Variants in PUS10 observed in about 807,000 individuals in gnomAD.
The protein encoded by PUS10 is pseudouridine synthase 10, also known as tRNA pseudouridine synthase Pus10.
In PUS10, 59 loss-of-function variants were observed where a neutral mutation model predicts 75.0. The observed-to-expected ratio is 0.79, with a 90% CI of 0.64 to 0.98. PUS10 has a LOEUF of 0.98. PUS10 is among the 50% of genes least tolerant of loss of function. PUS10 has a pLI of 0.00. For missense variants in PUS10, 650 were observed against 614.4 expected, an observed-to-expected ratio of 1.06 and a Z score of -0.61; for synonymous variants, 219 against 211.6, an observed-to-expected ratio of 1.03 and a Z score of -0.30.
At chr2:61,006,715 A>G (rs1679236523) in intron 3 of PUS10, 72 bp from the exon 4 acceptor site, 1 of 1,196,096 alleles carries the variant, frequency 8.4e-7, no homozygotes, top group Admixed American at 2.3e-5. Flanking sequence ...TCTTAATAAC[A>G]TGAATTTCTG....
At chr2:60,978,705 T>C (rs138859673) in intron 4 of PUS10, among the ~76,000 whole-genome samples, 164 of 152,298 alleles carry the variant, frequency 1.1e-3, no homozygotes, top group African/African-American at 3.9e-3. Context: ...CATGATCATA[T>C]TTGTCTTCAG....
At chr2:61,001,400 C>T (rs1678849281) in intron 4 of PUS10, among the ~76,000 whole-genome samples, 1 of 152,030 alleles carries the variant, frequency 6.6e-6, no homozygotes, top group Non-Finnish European at 1.5e-5. Context: ...CCTCAGCCTC[C>T]CAAATAGCTG....
intron 12 of PUS10, 126 bp from the exon 13 acceptor site, chr2:60,954,284 G>A: frequency 1.3e-6 from 1 of 762,174 alleles, no homozygotes; most frequent in Non-Finnish European, 2.2e-6. Context: ...TTAGTGACAT[G>A]ACTACATCTG....
At chr2:60,997,146 G>C (rs1403099873) in intron 4 of PUS10, among the ~76,000 whole-genome samples, 1 of 152,184 alleles carries the variant, frequency 6.6e-6, no homozygotes, top group Non-Finnish European at 1.5e-5. Flanking sequence ...AGAGTGGATT[G>C]CTGCATGAAC....
At chr2:61,000,036 G>A (rs1217101841) in intron 4 of PUS10, among the ~76,000 whole-genome samples, 3 of 152,048 alleles carry the variant, frequency 2.0e-5, no homozygotes, top group East Asian at 3.9e-4. Context: ...TATCTGTGAG[G>A]GGCTCGGGGG....
intron 4 of PUS10, among the ~76,000 whole-genome samples, chr2:60,996,479 T>C (rs942109101): frequency 6.6e-6 from 1 of 152,088 alleles, no homozygotes; most frequent in Non-Finnish European, 1.5e-5. Flanking sequence ...TTTAGTGATG[T>C]TCATGAGTGT....
chr2:60,968,262 C>A (rs529518126), intron 5 of PUS10, among the ~76,000 whole-genome samples: 1 of 152,054 alleles, frequency 6.6e-6, no homozygotes, highest in South Asian at 2.1e-4. Flanking sequence ...TAGTTTGTAA[C>A]CTAAAATTGT....
intron 11 of PUS10, among the ~76,000 whole-genome samples, chr2:60,958,279 T>TA (rs1262283764): frequency 6.6e-5 from 10 of 152,216 alleles, no homozygotes; most frequent in Non-Finnish European, 1.2e-4. Context: ...AATACCAAAT[T>TA]AAGCGGGTAA....
chr2:60,995,160 T>C (rs1678369155), intron 4 of PUS10, among the ~76,000 whole-genome samples: 1 of 152,208 alleles, frequency 6.6e-6, no homozygotes, highest in Non-Finnish European at 1.5e-5. Flanking sequence ...TTATCAGCAA[T>C]GTGACCTTCA....
intron 12 of PUS10, 55 bp from the exon 13 acceptor site, chr2:60,954,213 G>A (rs1675516831): frequency 6.4e-7 from 1 of 1,566,978 alleles, no homozygotes; most frequent in South Asian, 1.1e-5. Context: ...GTTAACATTT[G>A]GGCTAATGCA....
chr2:60,962,577 A>C (rs531063556), intron 9 of PUS10, among the ~76,000 whole-genome samples: 1 of 152,222 alleles, frequency 6.6e-6, no homozygotes, highest in East Asian at 1.9e-4. Context: ...TCTGTCTCAA[A>C]AAAATAAATA....
Position 60,952,991 on chromosome 2 carries a change from A to C in PUS10, c.1308+6T>G. The C allele has an allele frequency of 7.3e-7, 1 of 1,372,974 alleles. No homozygotes were observed. Among genetic ancestry groups the C allele is most frequent in the South Asian group, 1.2e-5 (1 of 84,144 alleles). 85.0% of individuals were successfully genotyped at this position (1,372,974 alleles called of 1,614,324 possible). On this transcript the variant is annotated splice_donor_region_variant and intron_variant, in intron 15 of 17. Transcript: ENST00000316752. The stretch of plus-strand genomic sequence containing the variant: ...GAAATAAAAAGAATAAGCACACTTA[A>C]ACTACCTTTATGTCATTTAGGAATT...
At chr2:60,973,425 A>G (rs1410153310) in intron 4 of PUS10, among the ~76,000 whole-genome samples, 1 of 152,114 alleles carries the variant, frequency 6.6e-6, no homozygotes, top group Non-Finnish European at 1.5e-5. Flanking sequence ...CCCTGCTCCC[A>G]GTGCCTGCAC....
chr2:60,971,748 A>G (rs1676676561), intron 4 of PUS10, among the ~76,000 whole-genome samples, 191 bp from the exon 5 acceptor site: 1 of 151,396 alleles, frequency 6.6e-6, no homozygotes, highest in Non-Finnish European at 1.5e-5. Flanking sequence ...GTAAGATTTT[A>G]TTTTGCAATG....
intron 4 of PUS10, among the ~76,000 whole-genome samples, chr2:61,003,494 A>T (rs1678991259): frequency 6.6e-6 from 1 of 151,994 alleles, no homozygotes; most frequent in Non-Finnish European, 1.5e-5. Flanking sequence ...TGTCATCAGA[A>T]AGGGATTCGT....
chr2:60,997,646 T>C (rs1240558979), intron 4 of PUS10, among the ~76,000 whole-genome samples: 3 of 150,674 alleles, frequency 2.0e-5, no homozygotes, highest in African/African-American at 4.9e-5. Flanking sequence ...AGTGGAATGC[T>C]CTTTTCCCAT....
At chr2:60,985,921 G>C (rs1677691804) in intron 4 of PUS10, among the ~76,000 whole-genome samples, 1 of 129,886 alleles carries the variant, frequency 7.7e-6, no homozygotes, top group Non-Finnish European at 1.6e-5. Flanking sequence ...CTTGTTATAG[G>C]AGAAACCAGA....
intron 15 of PUS10, 38 bp from the exon 16 acceptor site, chr2:60,948,223 C>G (rs1452463655): frequency 1.9e-6 from 3 of 1,606,436 alleles, no homozygotes; most frequent in Non-Finnish European, 2.6e-6. Context: ...AGAGTCAGAG[C>G]TTTGCCACCC....
intron 17 of PUS10, among the ~76,000 whole-genome samples, chr2:60,943,036 GAA>G (rs1163561504): frequency 2.0e-4 from 16 of 78,424 alleles, no homozygotes; most frequent in East Asian, 9.3e-4. Context: ...ATCTATCTCA[GAA>G]AAAAAAAAAA....
Sources: gnomAD v4.1 joint callset for allele counts (sites outside exome capture counted in the v4.1 genomes callset) on GRCh38, gnomAD v4.1.1 for gene constraint, MANE v1.5 for transcripts, NCBI Gene and HGNC (gene_info 2026-07-23, HGNC 2026-07-21) for gene names.